Variants in ATP4B observed in about 807,000 individuals in gnomAD.
ATP4B encodes the protein potassium-transporting ATPase subunit beta.
A neutral mutation model predicts 35.3 loss-of-function variants in ATP4B; 27 were observed. The observed-to-expected ratio is 0.76, with a 90% CI of 0.56 to 1.05. The LOEUF (loss-of-function observed/expected upper bound fraction) is 1.05. Among genes scored for constraint, ATP4B ranks in the 50% least tolerant of loss-of-function variants. ATP4B has a pLI of 0.00. For missense variants in ATP4B, 375 were observed against 384.8 expected (o/e 0.97, Z 0.21); for synonymous variants, 162 against 156.0 (o/e 1.04, Z -0.29).
intron 2 of ATP4B, among the ~76,000 whole-genome samples, chr13:113,653,980 G>A (rs2049734346): frequency 6.6e-6 from 1 of 152,070 alleles, no homozygotes. Flanking sequence ...GTTTACTGCA[G>A]GTCCTTAGGA....
chr13:113,656,261 G>A (rs915349433), intron 1 of ATP4B, among the ~76,000 whole-genome samples: 4 of 152,188 alleles, frequency 2.6e-5, no homozygotes, highest in African/African-American at 9.7e-5. Flanking sequence ...TTGGCCGCCT[G>A]TCCCCCGGGG....
intron 4 of ATP4B, 42 bp downstream of exon 4, chr13:113,652,831 G>A (rs2049722429): frequency 6.2e-7 from 1 of 1,603,984 alleles, no homozygotes; most frequent in Non-Finnish European, 8.5e-7. Context: ...GGCCCTGACT[G>A]CACTGTTGTA....
intron 1 of ATP4B, among the ~76,000 whole-genome samples, chr13:113,657,331 C>A (rs1293575677): frequency 6.6e-6 from 1 of 152,232 alleles, no homozygotes; most frequent in Non-Finnish European, 1.5e-5. Flanking sequence ...GAGGTGGGGG[C>A]GCACAGGTGC....
chr13:113,657,268 C>T lies in ATP4B; in HGVS notation c.112+765G>A, dbSNP rs117879547. 1.3e-3 allele frequency among the ~76,000 whole-genome samples: 205 copies of T among 152,274 alleles called. No homozygotes were observed. In the East Asian group the frequency reaches 0.023, roughly 17 times the overall value. On this transcript the variant is annotated intron_variant, in intron 1 of 6. Coordinates refer to ENST00000335288, the MANE Select transcript of ATP4B (RefSeq NM_000705.4). ...CCTGACCTTCCCTGGGAGCCGGGGA[C>T]GGCACCAGGCCAGCCAGTTCAGCCG...
intron 1 of ATP4B, among the ~76,000 whole-genome samples, chr13:113,656,786 A>G (rs2049758457): frequency 6.6e-6 from 1 of 152,040 alleles, no homozygotes; most frequent in Non-Finnish European, 1.5e-5. Context: ...AGACCATTCC[A>G]GAAGGTTCTC....
chr13:113,658,087 A>G lies in ATP4B; in HGVS notation c.58T>C (p.Tyr20His). ...CGQRMEEFQR[Y>H]CWNPDTGQML... is the part of the protein sequence containing the mutation. The stretch of plus-strand genomic sequence containing the variant: ...TGCCCCGTGTCCGGGTTCCAGCAGT[A>G]ACGCTGGAACTCCTCCATGCGCTGG... Residue 20 changes from tyrosine (Y) to histidine (H), a missense_variant, in exon 1 of 7, where the codon TAC (tyrosine) becomes CAC (histidine). Tyr to His is a moderately conservative substitution (Grantham distance 83, BLOSUM62 2). Transcript: ENST00000335288. 1 of 1,612,248 alleles carries G rather than the reference A, an allele frequency of 6.2e-7. No homozygotes were observed. Among genetic ancestry groups the G allele is most frequent in the Non-Finnish European group, 8.5e-7 (1 of 1,179,640 alleles).
At chr13:113,654,403 C>T (rs1009284600) in intron 2 of ATP4B, among the ~76,000 whole-genome samples, 11 of 152,262 alleles carry the variant, frequency 7.2e-5, no homozygotes, top group Non-Finnish European at 1.2e-4. Context: ...GCTGGTCTCC[C>T]GGGTGTGCTC....
chr13:113,649,449 C>A lies in ATP4B; in HGVS notation c.801G>T (p.Ala267=). The change falls in exon 7 of 7, where the codon GCG becomes GCT. Residue 267 remains alanine (A), a synonymous_variant. Transcript: ENST00000335288. This position sits in a 1 kb window ranked among gnomAD's most constrained non-coding sequence, Gnocchi z 4.7. ...AEVAIVCKVM[A]EHVTFNNPHD... is the part of the protein sequence containing the mutation. ...GGGGATTGTTGAAGGTCACGTGCTC[C>A]GCCATGACCTTGCACACGATGGCGA... 6.4e-7 allele frequency: 1 copy of A among 1,573,756 alleles called. No homozygotes were observed. The highest frequency in any genetic ancestry group is 2.3e-5 in the East Asian group (1 of 42,940).
At chr13:113,653,480 C>G in intron 2 of ATP4B, 46 bp from the exon 3 acceptor site, 1 of 1,546,736 alleles carries the variant, frequency 6.5e-7, no homozygotes, top group Non-Finnish European at 8.9e-7. Flanking sequence ...ATGCTCACCA[C>G]ATTTAAGCCA....
chr13:113,653,211 C>T lies in ATP4B; in HGVS notation c.355+110G>A. The T allele has an allele frequency of 7.2e-6, 10 of 1,386,168 alleles. No individual in the cohort carries two copies. In the Admixed American group the frequency reaches 7.9e-5, roughly 11 times the overall value. The allele number at this position is 1,386,168 out of a possible 1,614,324, so 85.9% of individuals were successfully genotyped here. ...GAAGCTGTGGAGCCGTTTCACACCTCACCTGCTGCTTCACACCTCACCCAC... is the reference window on the plus strand; with the variant it reads ...GAAGCTGTGGAGCCGTTTCACACCTTACCTGCTGCTTCACACCTCACCCAC... On this transcript the variant is annotated intron_variant, in intron 3 of 6. Transcript: ENST00000335288.
chr13:113,651,856 C>G (rs2049715308), intron 4 of ATP4B, 129 bp from the exon 5 acceptor site: 1 of 1,112,478 alleles, frequency 9.0e-7, no homozygotes. Flanking sequence ...TGAGAAGGGC[C>G]CTTGGTCTGG....
At chr13:113,651,195 A>T (rs1209838469) in intron 5 of ATP4B, among the ~76,000 whole-genome samples, 1 of 152,242 alleles carries the variant, frequency 6.6e-6, no homozygotes, top group Non-Finnish European at 1.5e-5. Flanking sequence ...CATTTAATTT[A>T]AAAAATTCAG....
chr13:113,651,000 G>C lies in ATP4B; in HGVS notation c.613-493C>G, dbSNP rs1375200666. On this transcript the variant is annotated intron_variant, in intron 5 of 6. Coordinates refer to ENST00000335288, the MANE Select transcript of ATP4B (RefSeq NM_000705.4). This position sits in a 1 kb window ranked among gnomAD's most constrained non-coding sequence, Gnocchi z 5.0. Reference sequence around the variant, plus strand: ...CTTTGGATCTGTTAGAATCTCAGGAGCCGCAGTGTGGCCCAAATAAATTAG... The same window carrying C: ...CTTTGGATCTGTTAGAATCTCAGGACCCGCAGTGTGGCCCAAATAAATTAG... Among the ~76,000 whole-genome samples the C allele has an allele frequency of 3.3e-5, 5 of 151,982 alleles. No homozygotes were observed. Among genetic ancestry groups the C allele is most frequent in the African/African-American group, 1.2e-4 (5 of 41,364 alleles).
rs1167468794 is a variant in ATP4B at position 113,648,875 on chromosome 13, A to G, written c.*499T>C. 1 of 152,316 alleles carries G rather than the reference A, an allele frequency of 6.6e-6. No individual in the cohort carries two copies. Among genetic ancestry groups the G allele is most frequent in the Non-Finnish European group, 1.5e-5 (1 of 68,118 alleles). The allele number at this position is 152,316 out of a possible 1,614,324, so 9.4% of individuals were successfully genotyped here. On this transcript the variant is annotated 3_prime_UTR_variant, in exon 7 of 7. Coordinates refer to ENST00000335288, the MANE Select transcript of ATP4B (RefSeq NM_000705.4). ...AAACACGATTTCTTTTTTTACATAC[A>G]ATAAGAGTAACTTTAATATATTTTA...
Position 113,658,018 on chromosome 13 carries a change from G to C in ATP4B, c.112+15C>G, listed in dbSNP as rs371083529. 1 of 1,582,934 alleles carries C rather than the reference G, an allele frequency of 6.3e-7. No homozygotes were observed. The highest frequency in any genetic ancestry group is 8.6e-7 in the Non-Finnish European group (1 of 1,166,612). ...CCCCCTCCATGCACCCAGCCGGCCC[G>C]CCCCCCGCACGTACCCCACCGGGAC... On this transcript the variant is annotated intron_variant, in intron 1 of 6. Coordinates refer to ENST00000335288, the MANE Select transcript of ATP4B (RefSeq NM_000705.4).
chr13:113,649,598 T>C lies in ATP4B; in HGVS notation c.715-63A>G. The C allele has an allele frequency of 1.4e-6, 2 of 1,438,622 alleles. No homozygotes were observed. The highest frequency in any genetic ancestry group is 1.5e-5 in the African/African-American group (1 of 68,932). 89.1% of individuals were successfully genotyped at this position (1,438,622 alleles called of 1,614,324 possible). A position where few individuals can be genotyped will look rare whatever the true frequency, so the allele number is the denominator to read the frequency against. The stretch of plus-strand genomic sequence containing the variant: ...ATCTCTGAAGTTAAGGAGAGAAAAC[T>C]AAGCAAGGAAGTGTCAACAGTCAGG... On this transcript the variant is annotated intron_variant, in intron 6 of 6. Coordinates refer to ENST00000335288, the MANE Select transcript of ATP4B (RefSeq NM_000705.4). This position sits in a 1 kb window ranked among gnomAD's most constrained non-coding sequence, Gnocchi z 4.7.
At chr13:113,652,753 A>T in intron 4 of ATP4B, 120 bp downstream of exon 4, 1 of 1,142,408 alleles carries the variant, frequency 8.8e-7, no homozygotes, top group Non-Finnish European at 1.3e-6. Context: ...GTGAGGCTGG[A>T]GTCCCTGTCC....
rs2049697987 is a variant in ATP4B, at chr13:113,649,799, A to G, written c.715-264T>C. On this transcript the variant is annotated intron_variant, in intron 6 of 6. Transcript: ENST00000335288. The surrounding 1 kb of genome is among the most constrained non-coding windows in gnomAD (Gnocchi z 4.7). ...TTACGATGATTAACGTAAAAATGAAACAGGAAAAGCACGTGATGTGGAGGA... is the reference window on the plus strand; with the variant it reads ...TTACGATGATTAACGTAAAAATGAAGCAGGAAAAGCACGTGATGTGGAGGA... 1.3e-5 allele frequency among the ~76,000 whole-genome samples: 2 copies of G among 152,220 alleles called. No homozygotes were observed. The highest frequency in any genetic ancestry group is 4.1e-4 in the South Asian group (2 of 4,832).
intron 1 of ATP4B, 134 bp from the exon 2 acceptor site, chr13:113,655,076 A>C: frequency 7.4e-6 from 9 of 1,210,224 alleles, no homozygotes; most frequent in Admixed American, 2.4e-5. Context: ...CTCCCCCAAA[A>C]CAGAAACCCC....
Sources: allele counts gnomAD v4.1 joint callset (sites outside exome capture counted in the v4.1 genomes callset), GRCh38; gene constraint gnomAD v4.1.1; non-coding constraint Gnocchi (gnomAD v3.1); transcripts MANE v1.5; gene names NCBI Gene and HGNC (gene_info 2026-07-23, HGNC 2026-07-21).